Variants in FBXO10 observed in about 807,000 individuals in gnomAD.
FBXO10 encodes the protein F-box only protein 10.
In FBXO10, 39 loss-of-function variants were observed where a neutral mutation model predicts 80.7. The observed-to-expected ratio is 0.48, with a 90% CI of 0.37 to 0.63. The LOEUF is 0.63. FBXO10 is among the 30% of genes least tolerant of loss of function. The pLI is 0.00. For synonymous variants in FBXO10, 449 were observed against 489.6 expected, an observed-to-expected ratio of 0.92 and a Z score of 1.09; for missense variants, 1,025 against 1,269.0, an observed-to-expected ratio of 0.81 and a Z score of 2.92.
intron 1 of FBXO10, among the ~76,000 whole-genome samples, chr9:37,553,195 C>T (rs566842500): frequency 2.8e-4 from 43 of 152,116 alleles, no homozygotes; most frequent in Non-Finnish European, 5.3e-4. Context: ...GCACGCGCCA[C>T]CATGCCCAGC....
At chr9:37,525,360 C>T (rs1334655639) in intron 5 of FBXO10, among the ~76,000 whole-genome samples, 188 bp from the exon 6 acceptor site, 1 of 152,026 alleles carries the variant, frequency 6.6e-6, no homozygotes, top group Non-Finnish European at 1.5e-5. Context: ...TTGAGCCTCC[C>T]TATGGCTCAA....
chr9:37,521,972 C>T, intron 7 of FBXO10, 134 bp from the exon 8 acceptor site: 3 of 922,524 alleles, frequency 3.3e-6, no homozygotes, highest in Non-Finnish European at 3.1e-6. Context: ...GGACAAGCCA[C>T]CTGATGGCTC....
chr9:37,552,465 C>T (rs748361720), intron 1 of FBXO10, among the ~76,000 whole-genome samples: 4 of 151,992 alleles, frequency 2.6e-5, no homozygotes, highest in African/African-American at 4.8e-5. Context: ...AGGAGGATCA[C>T]GAGGTCAGGA....
rs776608883 is a variant in FBXO10 at position 37,537,408 on chromosome 9, AGTCT to A, written c.1117_1120del (p.Arg373TyrfsTer32). The A allele has an allele frequency of 6.3e-7, 1 of 1,599,032 alleles. No homozygotes were observed. Among genetic ancestry groups the A allele is most frequent in the South Asian group, 1.1e-5 (1 of 89,124 alleles). ...GCGTGGGCCCTGCACTTGGTAGGAT[AGTCT>A]GTACATCAGCTGGTCCTCATCTTCA... On this transcript the variant is annotated frameshift_variant, in exon 3 of 11. Coordinates refer to ENST00000432825, the MANE Select transcript of FBXO10 (RefSeq NM_012166.3). LOFTEE classifies it high-confidence loss of function.
intron 1 of FBXO10, among the ~76,000 whole-genome samples, chr9:37,548,382 C>T (rs1045813333): frequency 9.2e-5 from 14 of 152,086 alleles, no homozygotes; most frequent in Non-Finnish European, 2.1e-4. Flanking sequence ...GAGACTCCAT[C>T]TCAAAAAATA....
At chr9:37,571,757 T>C (rs1367661559) in intron 1 of FBXO10, among the ~76,000 whole-genome samples, 1 of 90,842 alleles carries the variant, frequency 1.1e-5, no homozygotes. Context: ...ATTTCCTTAT[T>C]GAAAAATCAA....
intron 1 of FBXO10, among the ~76,000 whole-genome samples, chr9:37,558,982 T>C (rs1822407537): frequency 6.6e-6 from 1 of 152,114 alleles, no homozygotes; most frequent in African/African-American, 2.4e-5. Flanking sequence ...GGCTAATTTT[T>C]TGTATTTTTA....
At chr9:37,544,224 G>A (rs113300617) in intron 1 of FBXO10, among the ~76,000 whole-genome samples, 2,431 of 152,230 alleles carry the variant, frequency 0.016, 79 homozygotes, top group African/African-American at 0.055. Context: ...AGCCGAGATC[G>A]TGCCACTATA....
intron 1 of FBXO10, among the ~76,000 whole-genome samples, chr9:37,566,199 T>C (rs567875392): frequency 1.3e-5 from 2 of 152,258 alleles, no homozygotes; most frequent in African/African-American, 4.8e-5. Flanking sequence ...TGACGGCAGG[T>C]GACTTAACTC....
intron 1 of FBXO10, among the ~76,000 whole-genome samples, chr9:37,568,619 T>A (rs928700243): frequency 2.6e-5 from 4 of 152,218 alleles, no homozygotes; most frequent in African/African-American, 9.6e-5. Context: ...AGTTGATACA[T>A]TGTATTTACA....
chr9:37,562,147 TC>T (rs752723776), intron 1 of FBXO10, among the ~76,000 whole-genome samples: 3 of 152,180 alleles, frequency 2.0e-5, no homozygotes, highest in Non-Finnish European at 4.4e-5. Context: ...AAGGGTGGGC[TC>T]CATGTGCCCG....
intron 7 of FBXO10, 164 bp from the exon 8 acceptor site, chr9:37,522,002 C>T (rs1821359249): frequency 1.4e-6 from 1 of 721,276 alleles, no homozygotes; most frequent in Non-Finnish European, 2.2e-6. Context: ...ACTTCACCTT[C>T]ACACAAGAGA....
At chr9:37,561,552 T>C (rs1822483954) in intron 1 of FBXO10, among the ~76,000 whole-genome samples, 1 of 152,204 alleles carries the variant, frequency 6.6e-6, no homozygotes, top group Admixed American at 6.5e-5. Context: ...CAGCACGTCC[T>C]TGAACCTTTC....
intron 1 of FBXO10, among the ~76,000 whole-genome samples, chr9:37,550,105 A>C (rs1252643905): frequency 6.6e-6 from 1 of 150,730 alleles, no homozygotes; most frequent in Non-Finnish European, 1.5e-5. Flanking sequence ...GGCACAGTAC[A>C]TATAGGAAGA....
At chr9:37,560,123 T>C (rs950309289) in intron 1 of FBXO10, among the ~76,000 whole-genome samples, 3 of 152,196 alleles carry the variant, frequency 2.0e-5, no homozygotes, top group African/African-American at 4.8e-5. Flanking sequence ...GTACTGTCTA[T>C]TATAGATTCC....
chr9:37,557,619 A>G (rs992263906), intron 1 of FBXO10, among the ~76,000 whole-genome samples: 1 of 152,230 alleles, frequency 6.6e-6, no homozygotes. Flanking sequence ...GTGACTTCAC[A>G]TATTACATTT....
chr9:37,551,779 GA>G (rs11324196), intron 1 of FBXO10, among the ~76,000 whole-genome samples: 83,328 of 152,104 alleles, frequency 0.55, 23,662 homozygotes, highest in African/African-American at 0.71. Flanking sequence ...TACATAACCA[GA>G]ACTGAGAGTT....
In FBXO10 at chr9:37,564,971, G is replaced by A. The variant is rs192391445; in HGVS notation, c.-7+11240C>T. On this transcript the variant is annotated intron_variant, in intron 1 of 10. Coordinates refer to ENST00000432825, the MANE Select transcript of FBXO10 (RefSeq NM_012166.3). ...AATGATATGGTTTGGCTGTGTCCCC[G>A]CCCAAAATATCATCTTGAATTATAA... Among the ~76,000 whole-genome samples, 628 of 152,230 alleles carry A rather than the reference G, an allele frequency of 4.1e-3. 5 individuals carry two copies. The highest frequency in any genetic ancestry group is 0.01 in the South Asian group (49 of 4,822).
chr9:37,528,318 G>T (rs909065325), intron 5 of FBXO10, among the ~76,000 whole-genome samples: 1 of 152,182 alleles, frequency 6.6e-6, no homozygotes, highest in Non-Finnish European at 1.5e-5. Flanking sequence ...AGTGACCACA[G>T]GGCCCAAGAT....
Sources: gnomAD v4.1 joint callset for allele counts (sites outside exome capture counted in the v4.1 genomes callset) on GRCh38, gnomAD v4.1.1 for gene constraint, MANE v1.5 for transcripts, NCBI Gene and HGNC (gene_info 2026-07-23, HGNC 2026-07-21) for gene names.